The following TSPAN12 variants were observed in gnomAD, a reference collection of about 807,000 sequenced individuals.
The protein encoded by TSPAN12 is tetraspanin-12.
In TSPAN12, 19 loss-of-function variants were observed where a neutral mutation model predicts 39.2. The ratio of observed to expected loss-of-function variants is 0.49; its 90% confidence interval spans 0.34 to 0.71. The LOEUF (loss-of-function observed/expected upper bound fraction) is 0.71. Among genes scored for constraint, TSPAN12 ranks in the 30% least tolerant of loss-of-function variants. TSPAN12 has a pLI of 0.01. For missense variants in TSPAN12, 314 were observed against 359.9 expected (o/e 0.87, Z 1.03); for synonymous variants, 119 against 124.8 (o/e 0.95, Z 0.31).
chr7:120,830,661 T>C (rs1794373767), intron 4 of TSPAN12, among the ~76,000 whole-genome samples: 1 of 152,038 alleles, frequency 6.6e-6, no homozygotes, highest in African/African-American at 2.4e-5. Flanking sequence ...GTTTTAAAGA[T>C]TTAAATGTAA....
At chr7:120,807,472 A>C (rs928553808) in intron 6 of TSPAN12, among the ~76,000 whole-genome samples, 16 of 152,124 alleles carry the variant, frequency 1.1e-4, no homozygotes, top group African/African-American at 3.4e-4. Context: ...ACAATTAACT[A>C]TGATGAATAA....
At chr7:120,837,573 A>C (rs749130655) in intron 4 of TSPAN12, among the ~76,000 whole-genome samples, 1 of 152,060 alleles carries the variant, frequency 6.6e-6, no homozygotes, top group Non-Finnish European at 1.5e-5. Flanking sequence ...CGGCCTCCCA[A>C]AGTGCTGGGA....
chr7:120,808,806 T>C (rs1467759723), intron 6 of TSPAN12, among the ~76,000 whole-genome samples: 1 of 151,962 alleles, frequency 6.6e-6, no homozygotes, highest in African/African-American at 2.4e-5. Flanking sequence ...TATTCTAGAA[T>C]TGGGTCCCCC....
At chr7:120,833,873 A>G (rs1794431580) in intron 4 of TSPAN12, among the ~76,000 whole-genome samples, 1 of 152,156 alleles carries the variant, frequency 6.6e-6, no homozygotes, top group African/African-American at 2.4e-5. Context: ...CATTTCGTCT[A>G]CAGCTAAAGC....
At chr7:120,836,716 A>AC (rs1349471626) in intron 4 of TSPAN12, among the ~76,000 whole-genome samples, 1 of 152,064 alleles carries the variant, frequency 6.6e-6, no homozygotes, top group Non-Finnish European at 1.5e-5. Flanking sequence ...GGCCTTTAGA[A>AC]CCTCAGTCAT....
intron 4 of TSPAN12, among the ~76,000 whole-genome samples, chr7:120,827,192 AT>A (rs925602198): frequency 1.1e-3 from 159 of 150,666 alleles, no homozygotes; most frequent in African/African-American, 3.2e-3. Context: ...TCTAAATCAC[AT>A]TTTTTTTTGC....
At chr7:120,790,463 C>T (rs911391718) in intron 7 of TSPAN12, among the ~76,000 whole-genome samples, 1 of 152,154 alleles carries the variant, frequency 6.6e-6, no homozygotes, top group Non-Finnish European at 1.5e-5. Flanking sequence ...GGTACAATCT[C>T]TTGTCTGATG....
At chr7:120,831,897 C>T (rs1373021321) in intron 4 of TSPAN12, among the ~76,000 whole-genome samples, 1 of 151,946 alleles carries the variant, frequency 6.6e-6, no homozygotes, top group Non-Finnish European at 1.5e-5. Flanking sequence ...TGTATACATA[C>T]ATCATTGAAA....
At chr7:120,790,006 A>G (rs1298445744) in intron 7 of TSPAN12, among the ~76,000 whole-genome samples, 2 of 152,112 alleles carry the variant, frequency 1.3e-5, no homozygotes, top group African/African-American at 4.8e-5. Context: ...GGTACACCTG[A>G]TCTGACCAAT....
intron 4 of TSPAN12, among the ~76,000 whole-genome samples, chr7:120,838,531 T>C (rs1461730411): frequency 6.6e-6 from 1 of 152,232 alleles, no homozygotes; most frequent in Non-Finnish European, 1.5e-5. Context: ...AAAGAACTCA[T>C]ACTTTCAAAT....
intron 2 of TSPAN12, among the ~76,000 whole-genome samples, chr7:120,843,111 G>A (rs1331430592): frequency 6.6e-6 from 1 of 152,052 alleles, no homozygotes; most frequent in African/African-American, 2.4e-5. Context: ...TATAAGTTAG[G>A]TTAAGAACCC....
rs995748225 is a variant in TSPAN12, at chr7:120,851,953, G to A, written c.66+4745C>T. Among the ~76,000 whole-genome samples the A allele has an allele frequency of 2.0e-5, 3 of 152,170 alleles. No individual in the cohort carries two copies. In the South Asian group the frequency reaches 6.2e-4, roughly 31 times the overall value. ...TACAGATGGCAAATCAAGGTGACTGGATCCATACAATAAAGAGAATGCAGA... is the reference window on the plus strand; with the variant it reads ...TACAGATGGCAAATCAAGGTGACTGAATCCATACAATAAAGAGAATGCAGA... On this transcript the variant is annotated intron_variant, in intron 2 of 7. Transcript: ENST00000222747.
chr7:120,831,439 T>C (rs755139816), intron 4 of TSPAN12, among the ~76,000 whole-genome samples: 5 of 152,074 alleles, frequency 3.3e-5, no homozygotes, highest in African/African-American at 4.8e-5. Context: ...GTAGTCCATA[T>C]ATACAACAGA....
chr7:120,830,190 G>C (rs923557124), intron 4 of TSPAN12, among the ~76,000 whole-genome samples: 2 of 152,080 alleles, frequency 1.3e-5, no homozygotes, highest in African/African-American at 4.8e-5. Flanking sequence ...TTATGGATTA[G>C]AAGAATTAAT....
intron 4 of TSPAN12, among the ~76,000 whole-genome samples, chr7:120,819,469 T>C (rs1794147114): frequency 6.6e-6 from 1 of 152,106 alleles, no homozygotes; most frequent in Non-Finnish European, 1.5e-5. Context: ...TTTCACATGA[T>C]GCCAGTTATC....
chr7:120,834,969 T>TA (rs1200239686), intron 4 of TSPAN12, among the ~76,000 whole-genome samples: 2 of 152,208 alleles, frequency 1.3e-5, no homozygotes, highest in Non-Finnish European at 2.9e-5. Context: ...ATTCCTCTGT[T>TA]AAAATCTCAC....
intron 4 of TSPAN12, among the ~76,000 whole-genome samples, chr7:120,836,402 A>G (rs1008877191): frequency 1.3e-5 from 2 of 152,218 alleles, no homozygotes; most frequent in East Asian, 3.8e-4. Flanking sequence ...GGAGGAACCA[A>G]GATGTAGATG....
chr7:120,848,510 A>T (rs925218346), intron 2 of TSPAN12, among the ~76,000 whole-genome samples: 2 of 152,238 alleles, frequency 1.3e-5, no homozygotes, highest in African/African-American at 4.8e-5. Context: ...TATCACTGGA[A>T]GTTTTCCAGA....
intron 3 of TSPAN12, among the ~76,000 whole-genome samples, chr7:120,839,218 C>A (rs566339972): frequency 6.6e-6 from 1 of 152,210 alleles, no homozygotes; most frequent in Non-Finnish European, 1.5e-5. Context: ...ATCTCCGAAG[C>A]CTTAGCCTAA....
Sources: gnomAD v4.1 joint callset for allele counts (sites outside exome capture counted in the v4.1 genomes callset) on GRCh38, gnomAD v4.1.1 for gene constraint, MANE v1.5 for transcripts, NCBI Gene and HGNC (gene_info 2026-07-23, HGNC 2026-07-21) for gene names.